Variants in MYRIP observed in about 807,000 individuals in gnomAD.
MYRIP encodes the protein rab effector MyRIP.
A neutral mutation model predicts 98.0 loss-of-function variants in MYRIP; 49 were observed. The ratio of observed to expected loss-of-function variants is 0.50; its 90% CI spans 0.40 to 0.63. The LOEUF is 0.63. Ranked by LOEUF, MYRIP falls within the 30% of genes least tolerant of loss-of-function variation. The pLI is 0.00. For synonymous variants in MYRIP, 404 were observed against 409.5 expected, an observed-to-expected ratio of 0.99 and a Z score of 0.16; for missense variants, 1,004 against 1,058.2, an observed-to-expected ratio of 0.95 and a Z score of 0.71.
At chr3:40,160,466 C>T (rs1206350583) in intron 4 of MYRIP, among the ~76,000 whole-genome samples, 2 of 152,218 alleles carry the variant, frequency 1.3e-5, no homozygotes, top group South Asian at 4.1e-4. Flanking sequence ...TGCCCTGCCC[C>T]CAGAGGTGGA....
At chr3:39,872,500 A>C (rs866980849) in intron 1 of MYRIP, among the ~76,000 whole-genome samples, 1,191 of 49,496 alleles carry the variant, frequency 0.024, 23 homozygotes, top group Middle Eastern at 0.093. Context: ...CCCCCATCCC[A>C]CAACAGTCCC....
At position 40,109,824 on chromosome 3, in the gene MYRIP, T is replaced by C. The variant is rs114897226; in HGVS notation, c.333-41224T>C. Among the ~76,000 whole-genome samples the C allele has an allele frequency of 5.9e-3, 897 of 152,330 alleles. 10 individuals carry two copies. The highest frequency in any genetic ancestry group is 0.02 in the African/African-American group (830 of 41,574). Reference sequence around the variant, plus strand: ...GCCTGAGCCATGCATTTGACACTGATAAATCTTGCTGTGGGTTGTCTTTAT... The same window carrying C: ...GCCTGAGCCATGCATTTGACACTGACAAATCTTGCTGTGGGTTGTCTTTAT... On this transcript the variant is annotated intron_variant, in intron 3 of 16. Coordinates refer to ENST00000302541, the MANE Select transcript of MYRIP (RefSeq NM_015460.4).
rs199712717 is a variant in MYRIP at position 40,064,358 on chromosome 3, AG to A, written c.332+20088del. Reference sequence around the variant, plus strand: ...GGGGCAAAAAGTGGCCTTTGGAGGGAGAAAAAAAAACCTTGCTCTCTTTATC... The same window carrying A: ...GGGGCAAAAAGTGGCCTTTGGAGGGAAAAAAAAAACCTTGCTCTCTTTATC... On this transcript the variant is annotated intron_variant, in intron 3 of 16. Coordinates refer to ENST00000302541, the MANE Select transcript of MYRIP (RefSeq NM_015460.4). Among the ~76,000 whole-genome samples the A allele has an allele frequency of 8.2e-3, 1,238 of 151,704 alleles. 14 individuals carry two copies. The highest frequency in any genetic ancestry group is 0.027 in the African/African-American group (1,125 of 41,428).
intron 10 of MYRIP, among the ~76,000 whole-genome samples, chr3:40,206,988 C>A (rs1440887760): frequency 6.6e-6 from 1 of 152,190 alleles, no homozygotes; most frequent in Non-Finnish European, 1.5e-5. Context: ...GATAAATTGA[C>A]AGTTCCATGT....
At chr3:40,054,901 T>G (rs1947853571) in intron 3 of MYRIP, among the ~76,000 whole-genome samples, 1 of 152,216 alleles carries the variant, frequency 6.6e-6, no homozygotes, top group Admixed American at 6.5e-5. Context: ...CACTGGCTAA[T>G]AGCATAGTTC....
intron 11 of MYRIP, among the ~76,000 whole-genome samples, chr3:40,231,070 C>A (rs1177217778): frequency 6.6e-6 from 1 of 152,178 alleles, no homozygotes; most frequent in Non-Finnish European, 1.5e-5. Context: ...GATGATCCAC[C>A]CGCCTTGGCC....
chr3:40,028,082 C>T lies in MYRIP; in HGVS notation c.111-15968C>T, dbSNP rs571893477. Among the ~76,000 whole-genome samples the T allele has an allele frequency of 1.1e-3, 166 of 152,192 alleles. 1 individual carries two copies. The highest frequency in any genetic ancestry group is 3.7e-3 in the African/African-American group (153 of 41,542). On this transcript the variant is annotated intron_variant, in intron 2 of 16. Coordinates refer to ENST00000302541, the MANE Select transcript of MYRIP (RefSeq NM_015460.4). ...ATGTACATGCCATCACTTCCTGCTA[C>T]GCCCATGGCAGACACTGCTACCTCA...
intron 2 of MYRIP, among the ~76,000 whole-genome samples, chr3:39,995,170 G>A (rs879233862): frequency 4.6e-5 from 7 of 152,112 alleles, no homozygotes; most frequent in African/African-American, 1.2e-4. Flanking sequence ...CACCAACAAC[G>A]GAACAAAGCT....
intron 3 of MYRIP, among the ~76,000 whole-genome samples, chr3:40,073,580 T>A (rs1191028686): frequency 6.6e-6 from 1 of 152,208 alleles, no homozygotes; most frequent in African/African-American, 2.4e-5. Flanking sequence ...ATTACCACCA[T>A]CCCTGGAAGG....
intron 2 of MYRIP, among the ~76,000 whole-genome samples, chr3:39,984,373 G>A (rs1321424281): frequency 6.0e-5 from 9 of 150,360 alleles, no homozygotes; most frequent in Admixed American, 2.0e-4. Flanking sequence ...CTGTCCCTCC[G>A]CCCTCCCCCC....
chr3:39,877,822 C>T (rs1430663246), intron 1 of MYRIP, among the ~76,000 whole-genome samples: 1 of 152,156 alleles, frequency 6.6e-6, no homozygotes, highest in Non-Finnish European at 1.5e-5. Flanking sequence ...AGGCAGTCTG[C>T]CCATTCTCAG....
intron 1 of MYRIP, among the ~76,000 whole-genome samples, chr3:39,818,603 C>A (rs950876409): frequency 6.6e-6 from 1 of 152,048 alleles, no homozygotes; most frequent in Admixed American, 6.5e-5. Flanking sequence ...TATGAAATAA[C>A]ATATTTTATT....
intron 1 of MYRIP, among the ~76,000 whole-genome samples, chr3:39,884,203 G>T (rs1943229351): frequency 6.6e-6 from 1 of 152,026 alleles, no homozygotes; most frequent in Non-Finnish European, 1.5e-5. Context: ...CATCTACTTA[G>T]AATTTCAGAA....
At position 40,092,367 on chromosome 3, in the gene MYRIP, G is replaced by T. The variant is rs185325415; in HGVS notation, c.332+48096G>T. Among the ~76,000 whole-genome samples the T allele has an allele frequency of 2.1e-3, 313 of 152,290 alleles. 5 individuals are homozygous for T. Among genetic ancestry groups the T allele is most frequent in the Non-Finnish European group, 1.6e-3 (106 of 68,026 alleles). ...GCAATTGCCAGGAAGGGCTGGGAAA[G>T]ATACTCACCCACACTGTAAGGGATA... On this transcript the variant is annotated intron_variant, in intron 3 of 16. Coordinates refer to ENST00000302541, the MANE Select transcript of MYRIP (RefSeq NM_015460.4).
intron 10 of MYRIP, among the ~76,000 whole-genome samples, chr3:40,204,238 T>A (rs866326463): frequency 0.033 from 2,539 of 76,394 alleles, 274 homozygotes; most frequent in Middle Eastern, 0.044. Flanking sequence ...TATATATATT[T>A]TTTTTTTTTG....
chr3:40,015,336 T>A (rs775035198), intron 2 of MYRIP, among the ~76,000 whole-genome samples: 9 of 152,116 alleles, frequency 5.9e-5, no homozygotes, highest in African/African-American at 9.7e-5. Flanking sequence ...ACCTGAGAGC[T>A]CCAGGGAGCA....
chr3:39,926,767 G>A (rs969739685), intron 2 of MYRIP, among the ~76,000 whole-genome samples: 7 of 151,840 alleles, frequency 4.6e-5, no homozygotes, highest in African/African-American at 1.7e-4. Flanking sequence ...ATTGGGTAAT[G>A]TGATGTCTTT....
chr3:39,932,894 T>C lies in MYRIP; in HGVS notation c.110+31968T>C, dbSNP rs138390075. ...ATGTGCTTAAACTTTCCTTGGAGCA[T>C]TGGCACACCGTCTGAATTAGATATT... On this transcript the variant is annotated intron_variant, in intron 2 of 16. Coordinates refer to ENST00000302541, the MANE Select transcript of MYRIP (RefSeq NM_015460.4). Among the ~76,000 whole-genome samples the C allele has an allele frequency of 3.7e-4, 57 of 152,342 alleles. 1 individual carries two copies. The highest frequency in any genetic ancestry group is 1.3e-3 in the African/African-American group (54 of 41,590).
chr3:40,189,816 C>G lies in MYRIP; in HGVS notation c.1028-10C>G. ...CCCCTCTCTGCTTTCTCTATCCTCTCCATCCACAGACCTGGCCCCAGTTTT... is the reference window on the plus strand; with the variant it reads ...CCCCTCTCTGCTTTCTCTATCCTCTGCATCCACAGACCTGGCCCCAGTTTT... On this transcript the variant is annotated splice_polypyrimidine_tract_variant and intron_variant, in intron 9 of 16. Coordinates refer to ENST00000302541, the MANE Select transcript of MYRIP (RefSeq NM_015460.4). 6.3e-7 allele frequency: 1 copy of G among 1,598,982 alleles called. No individual in the cohort carries two copies. Among genetic ancestry groups the G allele is most frequent in the Non-Finnish European group, 8.5e-7 (1 of 1,173,520 alleles).
Sources: allele counts gnomAD v4.1 joint callset (sites outside exome capture counted in the v4.1 genomes callset), GRCh38; gene constraint gnomAD v4.1.1; transcripts MANE v1.5; gene names NCBI Gene and HGNC (gene_info 2026-07-23, HGNC 2026-07-21).